Variants in GRAMD1B observed in about 807,000 individuals in gnomAD.
GRAMD1B encodes the protein GRAM domain containing 1B, also known as protein Aster-B.
Under a neutral mutation model 99.7 loss-of-function variants are expected in GRAMD1B, and 37 were observed. The observed-to-expected ratio is 0.37, with a 90% CI of 0.29 to 0.49. The LOEUF (loss-of-function observed/expected upper bound fraction) is 0.49. Among genes scored for constraint, GRAMD1B ranks in the 20% least tolerant of loss-of-function variants. The pLI, the probability that GRAMD1B is intolerant of heterozygous loss-of-function variation, is 0.98. For missense variants in GRAMD1B, 888 were observed against 1,009.2 expected (o/e 0.88, Z 1.63); for synonymous variants, 427 against 387.6 (o/e 1.10, Z -1.19).
intron 8 of GRAMD1B, among the ~76,000 whole-genome samples, chr11:123,601,515 ATG>A (rs4063751): frequency 0.6 from 89,644 of 148,688 alleles, 27,115 homozygotes; most frequent in South Asian, 0.69. Context: ...ATTAATTTTT[ATG>A]TGTGTGTGTG....
At chr11:123,445,666 A>C (rs1949604884) in intron 1 of GRAMD1B, among the ~76,000 whole-genome samples, 1 of 151,772 alleles carries the variant, frequency 6.6e-6, no homozygotes, top group Non-Finnish European at 1.5e-5. Context: ...AAAATACAAA[A>C]ATTAGACAGG....
At chr11:123,423,071 G>A (rs1948510281) in intron 1 of GRAMD1B, among the ~76,000 whole-genome samples, 1 of 151,994 alleles carries the variant, frequency 6.6e-6, no homozygotes, top group Non-Finnish European at 1.5e-5. Context: ...TACTATTAAG[G>A]TATGCTTAGA....
rs530351174 is a variant in GRAMD1B at position 123,473,193 on chromosome 11, A to T, written c.375-7623A>T. ...ATTCTCCTGCCTCAGCCTCCCGAGT[A>T]GCTGGGATTACAGGAGTCTGCCACC... On this transcript the variant is annotated intron_variant, in intron 1 of 19. Coordinates refer to ENST00000635736, the MANE Select transcript of GRAMD1B (RefSeq NM_001387025.1). Among the ~76,000 whole-genome samples, 546 of 152,298 alleles carry T rather than the reference A, an allele frequency of 3.6e-3. 4 individuals carry two copies. Among genetic ancestry groups the T allele is most frequent in the African/African-American group, 0.012 (514 of 41,564 alleles).
chr11:123,460,103 A>C (rs1950341107), intron 1 of GRAMD1B: 1 of 151,808 alleles, frequency 6.6e-6, no homozygotes, highest in Non-Finnish European at 1.5e-5. Context: ...TCTCAAACTA[A>C]AAATAAATGG....
At chr11:123,603,625 C>T in intron 9 of GRAMD1B, 84 bp downstream of exon 9, 1 of 786,802 alleles carries the variant, frequency 1.3e-6, no homozygotes, top group South Asian at 1.4e-5. Flanking sequence ...GAACAGCACA[C>T]ATGCCTGTGC....
Position 123,600,560 on chromosome 11 carries a change from C to T in GRAMD1B, c.1050+12C>T, listed in dbSNP as rs201608431. The T allele has an allele frequency of 4.0e-4, 638 of 1,587,674 alleles. 3 individuals are homozygous for T. Among genetic ancestry groups the T allele is most frequent in the Non-Finnish European group, 7.3e-5 (85 of 1,156,914 alleles). On this transcript the variant is annotated intron_variant, in intron 8 of 19. Transcript: ENST00000635736. ...CTCTCCTTGAAAAGGTAAGTACGGC[C>T]GAGTTTGCTTTTACTGTGGGACTGG...
chr11:123,523,602 A>C (rs774811407), intron 2 of GRAMD1B, among the ~76,000 whole-genome samples: 4 of 152,140 alleles, frequency 2.6e-5, no homozygotes, highest in Non-Finnish European at 4.4e-5. Flanking sequence ...AATGTTTCTA[A>C]TATAATACTT....
intron 1 of GRAMD1B, among the ~76,000 whole-genome samples, chr11:123,470,666 A>G (rs1157078684): frequency 6.6e-6 from 1 of 152,164 alleles, no homozygotes; most frequent in Non-Finnish European, 1.5e-5. Context: ...AGCTTGGAAC[A>G]CAAAAAGTAA....
chr11:123,553,121 TA>T (rs1273263155), intron 2 of GRAMD1B, among the ~76,000 whole-genome samples: 3 of 152,212 alleles, frequency 2.0e-5, no homozygotes, highest in Admixed American at 2.0e-4. Context: ...GTTGGTTATG[TA>T]AAAACTCTCA....
intron 8 of GRAMD1B, among the ~76,000 whole-genome samples, chr11:123,602,013 GTGTCCCAGGCAGGGTGAATGT>G (rs529544994): frequency 1.2e-3 from 186 of 152,326 alleles, no homozygotes; most frequent in Non-Finnish European, 2.4e-3. Context: ...AGAGGCAGAT[GTGTCCCAGGCAGGGTGAATGT>G]TGTCCCAGGC....
intron 2 of GRAMD1B, among the ~76,000 whole-genome samples, chr11:123,526,338 C>T (rs1236445407): frequency 3.3e-5 from 5 of 152,130 alleles, no homozygotes; most frequent in African/African-American, 7.2e-5. Context: ...TCCCTGGCTC[C>T]CCCAGCTGCT....
chr11:123,418,891 C>T (rs1290480684), intron 1 of GRAMD1B, among the ~76,000 whole-genome samples: 1 of 152,108 alleles, frequency 6.6e-6, no homozygotes, highest in Non-Finnish European at 1.5e-5. Flanking sequence ...TGTAAGTGCT[C>T]AGTCTGGAGC....
intron 1 of GRAMD1B, among the ~76,000 whole-genome samples, chr11:123,363,830 C>T (rs1946228980): frequency 6.6e-6 from 1 of 152,192 alleles, no homozygotes; most frequent in Admixed American, 6.5e-5. Flanking sequence ...TTGGTGAGAA[C>T]ACAAAGCAGA....
chr11:123,443,747 T>C (rs532577760), intron 1 of GRAMD1B, among the ~76,000 whole-genome samples: 2 of 152,274 alleles, frequency 1.3e-5, no homozygotes, highest in East Asian at 3.9e-4. Flanking sequence ...CACACCCAGC[T>C]AATTTTTGTA....
chr11:123,590,907 G>A (rs911335071), intron 4 of GRAMD1B, among the ~76,000 whole-genome samples: 3 of 152,134 alleles, frequency 2.0e-5, no homozygotes, highest in Non-Finnish European at 4.4e-5. Context: ...AGTGACTGGC[G>A]GGGTTAGACC....
intron 2 of GRAMD1B, among the ~76,000 whole-genome samples, chr11:123,498,483 A>G (rs1021963421): frequency 2.6e-5 from 4 of 152,230 alleles, no homozygotes; most frequent in Non-Finnish European, 4.4e-5. Context: ...TCTTTCAGTT[A>G]TATGAAATTA....
At chr11:123,441,453 C>T (rs1949402686) in intron 1 of GRAMD1B, among the ~76,000 whole-genome samples, 1 of 152,002 alleles carries the variant, frequency 6.6e-6, no homozygotes, top group African/African-American at 2.4e-5. Flanking sequence ...CCAGCCTGGA[C>T]AACATAGTGA....
rs547064504 is a variant in GRAMD1B at position 123,362,262 on chromosome 11, T to C, written c.-176+3463T>C. Among the ~76,000 whole-genome samples the C allele has an allele frequency of 5.3e-4, 80 of 152,348 alleles. 1 individual carries two copies. The highest frequency in any genetic ancestry group is 1.2e-3 in the Admixed American group (18 of 15,304). On this transcript the variant is annotated intron_variant, in intron 1 of 20. Coordinates refer to the GRAMD1B transcript ENST00000638157. ...AATGAGCTAAACTGTGTTGGTTTCA[T>C]CAGCCATTCTAACTGGCTTAAAACT...
intron 1 of GRAMD1B, among the ~76,000 whole-genome samples, chr11:123,391,453 T>TTTTG (rs1210925784): frequency 3.9e-5 from 6 of 152,164 alleles, no homozygotes; most frequent in Non-Finnish European, 8.8e-5. Flanking sequence ...TTAGTTTGTT[T>TTTTG]TTTGTTTGTT....
Sources: gnomAD v4.1 joint callset for allele counts (sites outside exome capture counted in the v4.1 genomes callset) on GRCh38, gnomAD v4.1.1 for gene constraint, MANE v1.5 for transcripts, NCBI Gene and HGNC (gene_info 2026-07-23, HGNC 2026-07-21) for gene names.